CNTNAP2: variants seen among roughly 807,000 people sequenced by gnomAD.
CNTNAP2 encodes contactin-associated protein-like 2.
In CNTNAP2, 98 loss-of-function variants were observed where a neutral mutation model predicts 155.2. The observed-to-expected ratio is 0.63, with a 90% CI of 0.54 to 0.75. CNTNAP2 has a LOEUF of 0.75. Among genes scored for constraint, CNTNAP2 ranks in the 30% least tolerant of loss-of-function variants. The pLI is 0.00. For synonymous variants in CNTNAP2, 651 were observed against 631.2 expected (o/e 1.03, Z -0.47); for missense variants, 1,727 against 1,688.1 (o/e 1.02, Z -0.40).
intron 3 of CNTNAP2, among the ~76,000 whole-genome samples, chr7:146,979,424 C>T (rs1797973354): frequency 1.3e-5 from 2 of 152,184 alleles, no homozygotes; most frequent in Admixed American, 6.6e-5. Context: ...CTCAAATTGT[C>T]TCCACAGAGA....
intron 1 of CNTNAP2, among the ~76,000 whole-genome samples, chr7:146,589,740 A>G (rs1228928562): frequency 1.6e-5 from 2 of 121,338 alleles, no homozygotes; most frequent in East Asian, 2.0e-4. Flanking sequence ...CAGAATGTAG[A>G]GTATAAAAAA....
intron 15 of CNTNAP2, among the ~76,000 whole-genome samples, chr7:148,109,938 A>G (rs1339133576): frequency 6.6e-6 from 1 of 152,162 alleles, no homozygotes; most frequent in Non-Finnish European, 1.5e-5. Context: ...CTGCTAAATC[A>G]TGGAGGTTTG....
chr7:146,721,271 T>TTC, intron 1 of CNTNAP2, among the ~76,000 whole-genome samples: 1 of 118,680 alleles, frequency 8.4e-6, no homozygotes, highest in Non-Finnish European at 1.8e-5. Context: ...TCTCTATATA[T>TTC]TCTATATATA....
intron 1 of CNTNAP2, among the ~76,000 whole-genome samples, chr7:146,475,012 C>CGCGCGT (rs1796856445): frequency 8.3e-6 from 1 of 119,882 alleles, no homozygotes; most frequent in African/African-American, 4.1e-5. Context: ...CGCGCGCGCG[C>CGCGCGT]GCACACACAC....
At chr7:147,758,999 G>A (rs1271772803) in intron 13 of CNTNAP2, among the ~76,000 whole-genome samples, 1 of 151,932 alleles carries the variant, frequency 6.6e-6, no homozygotes, top group Non-Finnish European at 1.5e-5. Context: ...AATCTCTCAA[G>A]GTAATAAGGT....
intron 13 of CNTNAP2, among the ~76,000 whole-genome samples, chr7:147,722,450 G>A (rs111261426): frequency 5.9e-5 from 9 of 152,114 alleles, no homozygotes; most frequent in African/African-American, 1.9e-4. Flanking sequence ...GATATTTCTG[G>A]GGTTCGACCA....
chr7:147,525,157 T>C (rs752447136), intron 11 of CNTNAP2, among the ~76,000 whole-genome samples: 1 of 152,338 alleles, frequency 6.6e-6, no homozygotes, highest in Admixed American at 6.5e-5. Context: ...ATATTTGTTT[T>C]GACATAACAT....
intron 11 of CNTNAP2, among the ~76,000 whole-genome samples, chr7:147,514,503 AT>A (rs975232569): frequency 5.3e-5 from 8 of 152,044 alleles, no homozygotes; most frequent in African/African-American, 1.9e-4. Context: ...AACTATTCTA[AT>A]GAGGACAAAG....
intron 11 of CNTNAP2, 141 bp from the exon 12 acceptor site, chr7:147,561,997 T>A: frequency 9.0e-7 from 1 of 1,109,162 alleles, no homozygotes; most frequent in Non-Finnish European, 1.3e-6. Context: ...TGAATTTAAA[T>A]TTAGAGACAA....
chr7:146,235,519 C>G (rs1799458099), intron 1 of CNTNAP2, among the ~76,000 whole-genome samples: 1 of 152,090 alleles, frequency 6.6e-6, no homozygotes, highest in East Asian at 1.9e-4. Flanking sequence ...GTTACCAGTA[C>G]AGGTAGCTGT....
At chr7:146,554,978 A>C (rs2129143377) in intron 1 of CNTNAP2, among the ~76,000 whole-genome samples, 1 of 152,276 alleles carries the variant, frequency 6.6e-6, no homozygotes, top group Admixed American at 6.5e-5. Flanking sequence ...CCCATTTTCC[A>C]AATAAAGAAA....
intron 10 of CNTNAP2, among the ~76,000 whole-genome samples, chr7:147,430,249 A>G (rs1797442799): frequency 6.6e-6 from 1 of 152,234 alleles, no homozygotes; most frequent in Admixed American, 6.5e-5. Flanking sequence ...ATATTTAGCT[A>G]GAAGAAGTTT....
chr7:146,483,878 CACA>C (rs1311211474), intron 1 of CNTNAP2, among the ~76,000 whole-genome samples: 8 of 152,112 alleles, frequency 5.3e-5, no homozygotes, highest in African/African-American at 1.2e-4. Context: ...ATGTTTTCTA[CACA>C]ACGAGTATAA....
chr7:147,063,868 AT>A (rs1261099038), intron 4 of CNTNAP2, among the ~76,000 whole-genome samples: 1 of 152,156 alleles, frequency 6.6e-6, no homozygotes, highest in Non-Finnish European at 1.5e-5. Context: ...AGTATAAAAA[AT>A]CTTATCTAGT....
At chr7:147,561,146 T>C (rs551157163) in intron 11 of CNTNAP2, among the ~76,000 whole-genome samples, 31 of 152,308 alleles carry the variant, frequency 2.0e-4, no homozygotes, top group African/African-American at 7.0e-4. Flanking sequence ...TATTTTTAAT[T>C]AGTACAATAT....
chr7:147,231,054 A>C (rs187525146), intron 8 of CNTNAP2, among the ~76,000 whole-genome samples: 2 of 152,250 alleles, frequency 1.3e-5, no homozygotes, highest in Non-Finnish European at 2.9e-5. Flanking sequence ...GGCAGCAGAC[A>C]AAAGAGAAGA....
intron 3 of CNTNAP2, among the ~76,000 whole-genome samples, chr7:146,980,663 C>G (rs377701201): frequency 5.1e-4 from 77 of 152,220 alleles, no homozygotes; most frequent in Middle Eastern, 3.4e-3. Flanking sequence ...AGAGAGGAAG[C>G]AAGGTGGGAG....
At chr7:147,643,034 C>A (rs1795306524) in intron 13 of CNTNAP2, among the ~76,000 whole-genome samples, 2 of 152,120 alleles carry the variant, frequency 1.3e-5, no homozygotes, top group African/African-American at 4.8e-5. Flanking sequence ...GCCTTACTCC[C>A]AGGCTTTGAT....
intron 21 of CNTNAP2, among the ~76,000 whole-genome samples, chr7:148,315,026 G>T (rs1178486085): frequency 6.6e-6 from 1 of 152,180 alleles, no homozygotes; most frequent in East Asian, 1.9e-4. Context: ...AGTGAGAGAG[G>T]TTGGAGAAGA....
Sources: allele counts gnomAD v4.1 joint callset (sites outside exome capture counted in the v4.1 genomes callset), GRCh38; gene constraint gnomAD v4.1.1; transcripts MANE v1.5; gene names NCBI Gene and HGNC (gene_info 2026-07-23, HGNC 2026-07-21).